UPF2: variants seen among roughly 807,000 people sequenced by gnomAD.
UPF2 encodes regulator of nonsense transcripts 2.
In UPF2, 17 loss-of-function variants were observed where a neutral mutation model predicts 141.4. The ratio of observed to expected loss-of-function variants is 0.12; its 90% CI spans 0.08 to 0.18. The LOEUF is 0.18. Ranked by LOEUF, UPF2 falls within the 10% of genes least tolerant of loss-of-function variation. The probability of loss-of-function intolerance (pLI) is 1.00; values close to 1 mark genes in which losing one functional copy is unlikely to be tolerated. For missense variants in UPF2, 1,152 were observed against 1,515.9 expected (o/e 0.76, Z 3.99); for synonymous variants, 540 against 498.0 (o/e 1.08, Z -1.12).
At chr10:11,993,149 CAAAAAAAAAA>C (rs561323595) in intron 8 of UPF2, among the ~76,000 whole-genome samples, 12 of 80,562 alleles carry the variant, frequency 1.5e-4, no homozygotes, top group African/African-American at 7.4e-4. Context: ...GGCTCCACCT[CAAAAAAAAAA>C]AAAAAAAAAA....
At chr10:12,000,059 A>T (rs927266320) in intron 6 of UPF2, 50 bp from the exon 7 acceptor site, 5 of 1,430,806 alleles carry the variant, frequency 3.5e-6, no homozygotes, top group Non-Finnish European at 4.8e-6. Flanking sequence ...GAGAACACAG[A>T]ATAAAAACAT....
chr10:11,926,549 A>G (rs535061077), intron 21 of UPF2, among the ~76,000 whole-genome samples: 2 of 152,398 alleles, frequency 1.3e-5, no homozygotes, highest in South Asian at 4.1e-4. Context: ...CCCAGAAGCC[A>G]GCAGAATCAC....
In UPF2 at chr10:12,013,958, T is replaced by C. The variant is rs112572485; in HGVS notation, c.1306+66A>G. 470 of 1,353,780 alleles carry C rather than the reference T, an allele frequency of 3.5e-4. 3 individuals carry two copies. The African/African-American group carries it at 5.6e-3, about 16-fold the overall frequency. The allele number at this position is 1,353,780 out of a possible 1,614,324, so 83.9% of individuals were successfully genotyped here. On this transcript the variant is annotated intron_variant, in intron 4 of 21. Transcript: ENST00000357604. ...TAAATTCTCAATACTGCACATCTGA[T>C]AAGCCTAAAGGTAAGTGACAGTGCT... is the stretch of plus-strand genomic sequence containing the variant.
At chr10:11,938,870 T>TG (rs1832898101) in intron 18 of UPF2, among the ~76,000 whole-genome samples, 2 of 112,564 alleles carry the variant, frequency 1.8e-5, no homozygotes, top group Non-Finnish European at 3.7e-5. Flanking sequence ...TTTTTTTTTT[T>TG]TTTTTTTTTT....
Position 11,935,948 on chromosome 10 carries a change from G to A in UPF2, c.3546+597C>T, listed in dbSNP as rs368635182. On this transcript the variant is annotated intron_variant, in intron 19 of 21. Transcript: ENST00000357604. The surrounding 1 kb of genome is among the most constrained non-coding windows in gnomAD (Gnocchi z 4.9). ...AGGGTTGGTGTGATTTTCAACTGAC[G>A]GCAGCCGAGCCTCTTCCTGAGCTGC... is the stretch of plus-strand genomic sequence containing the variant. Among the ~76,000 whole-genome samples, 3 of 152,144 alleles carry A rather than the reference G, an allele frequency of 2.0e-5. No homozygotes were observed. The highest frequency in any genetic ancestry group is 4.8e-5 in the African/African-American group (2 of 41,434).
intron 1 of UPF2, among the ~76,000 whole-genome samples, chr10:12,039,306 G>A (rs991164600): frequency 6.6e-6 from 1 of 152,068 alleles, no homozygotes; most frequent in Admixed American, 6.6e-5. Context: ...ATTGTGAGAT[G>A]GGAGACATGC....
intron 2 of UPF2, among the ~76,000 whole-genome samples, chr10:12,033,855 G>A (rs1834572632): frequency 6.6e-6 from 1 of 152,036 alleles, no homozygotes. Context: ...GGCCTAATAA[G>A]TTTTATATTT....
chr10:12,031,568 A>G (rs1215071786), intron 2 of UPF2, among the ~76,000 whole-genome samples: 1 of 152,206 alleles, frequency 6.6e-6, no homozygotes. Flanking sequence ...AGAGCCCAGG[A>G]GTTAAGACCA....
chr10:11,945,923 G>A (rs1267898914), intron 16 of UPF2, among the ~76,000 whole-genome samples: 1 of 151,928 alleles, frequency 6.6e-6, no homozygotes, highest in Non-Finnish European at 1.5e-5. Context: ...GAGTCAACTT[G>A]AATTCTATTA....
chr10:11,932,687 T>C (rs1832797423), intron 19 of UPF2, among the ~76,000 whole-genome samples: 1 of 152,208 alleles, frequency 6.6e-6, no homozygotes, highest in Non-Finnish European at 1.5e-5. Context: ...CACACTACTT[T>C]ATAGCAAATT....
intron 9 of UPF2, among the ~76,000 whole-genome samples, chr10:11,977,118 T>C (rs566501207): frequency 6.6e-6 from 1 of 152,240 alleles, no homozygotes; most frequent in Non-Finnish European, 1.5e-5. Flanking sequence ...GCTGCTATGA[T>C]GGTGAATCAA....
rs917158127 is a variant in UPF2, at chr10:11,956,004, C to T, written c.2574+316G>A. ...TAAAAATACAAAAAAATTAGCTAGG[C>T]GTGGTGGCATGCACCTGTAGTAGTC... On this transcript the variant is annotated intron_variant, in intron 13 of 21. Coordinates refer to ENST00000357604, the MANE Select transcript of UPF2 (RefSeq NM_015542.4). The surrounding 1 kb of genome is among the most constrained non-coding windows in gnomAD (Gnocchi z 4.2). 3.3e-5 allele frequency among the ~76,000 whole-genome samples: 5 copies of T among 151,958 alleles called. No homozygotes were observed. The highest frequency in any genetic ancestry group is 1.2e-4 in the African/African-American group (5 of 41,382).
chr10:11,993,979 A>C (rs111549654), intron 8 of UPF2, among the ~76,000 whole-genome samples: 3,465 of 152,166 alleles, frequency 0.023, 150 homozygotes, highest in African/African-American at 0.079. Context: ...ACAGAGCAGG[A>C]CCCTGTCTCT....
intron 3 of UPF2, among the ~76,000 whole-genome samples, chr10:12,027,792 T>A (rs1834447020): frequency 6.6e-6 from 1 of 152,212 alleles, no homozygotes; most frequent in African/African-American, 2.4e-5. Flanking sequence ...GTCAATCATC[T>A]TCTAGTGGTA....
intron 16 of UPF2, among the ~76,000 whole-genome samples, chr10:11,945,357 G>A (rs1350854232): frequency 6.6e-6 from 1 of 152,158 alleles, no homozygotes; most frequent in Non-Finnish European, 1.5e-5. Flanking sequence ...GTAAATAACT[G>A]TAGAATATCC....
At chr10:11,927,667 T>A (rs149152230) in intron 21 of UPF2, among the ~76,000 whole-genome samples, 252 of 152,346 alleles carry the variant, frequency 1.7e-3, no homozygotes, top group African/African-American at 5.7e-3. Flanking sequence ...AATATCTTAT[T>A]GTGCCTAATT....
chr10:11,937,627 G>A (rs1039553173), intron 18 of UPF2, among the ~76,000 whole-genome samples: 3 of 152,290 alleles, frequency 2.0e-5, no homozygotes, highest in Admixed American at 6.5e-5. Context: ...TTAGGGAACT[G>A]CAAACACATG....
At chr10:11,941,382 G>A (rs995737399) in intron 18 of UPF2, among the ~76,000 whole-genome samples, 2 of 152,042 alleles carry the variant, frequency 1.3e-5, no homozygotes, top group African/African-American at 4.8e-5. Context: ...GAGCTTTCTG[G>A]ATATATGAAG....
intron 2 of UPF2, among the ~76,000 whole-genome samples, chr10:12,031,687 G>GA: frequency 6.6e-6 from 1 of 151,894 alleles, no homozygotes; most frequent in African/African-American, 2.4e-5. Flanking sequence ...GAGACGGGGG[G>GA]ATCGCTTGAG....
Sources: allele counts gnomAD v4.1 joint callset (sites outside exome capture counted in the v4.1 genomes callset), GRCh38; gene constraint gnomAD v4.1.1; non-coding constraint Gnocchi (gnomAD v3.1); transcripts MANE v1.5; gene names NCBI Gene and HGNC (gene_info 2026-07-23, HGNC 2026-07-21).